Variants in SLCO1B3 observed in about 807,000 individuals in gnomAD.
SLCO1B3 encodes the protein solute carrier organic anion transporter family member 1B3.
SLCO1B3 carries 72 observed loss-of-function variants against 71.8 expected under a neutral mutation model. That is an observed-to-expected ratio of 1.00 (90% CI 0.83 to 1.22). SLCO1B3 has a LOEUF of 1.22. Ranked by LOEUF, SLCO1B3 falls within the 50% of genes most tolerant of loss-of-function variation. The pLI is 0.00. For missense variants in SLCO1B3, 911 were observed against 819.7 expected, an observed-to-expected ratio of 1.11 and a Z score of -1.36; for synonymous variants, 298 against 278.4, an observed-to-expected ratio of 1.07 and a Z score of -0.70.
At chr12:20,815,646 A>G (rs1864178823) in intron 2 of SLCO1B3, 28 bp from the exon 3 acceptor site, 1 of 797,892 alleles carries the variant, frequency 1.3e-6, no homozygotes, top group African/African-American at 1.8e-5. Context: ...TTAAAGTAAA[A>G]TAAATTATAC....
chr12:20,859,495 C>CCCCA (rs1158588959), intron 5 of SLCO1B3, among the ~76,000 whole-genome samples: 4 of 124,448 alleles, frequency 3.2e-5, no homozygotes, highest in Non-Finnish European at 7.5e-5. Flanking sequence ...TTTTTTCCCC[C>CCCCA]TCTACATTTG....
At chr12:20,820,099 C>G (rs943892200) in intron 3 of SLCO1B3, among the ~76,000 whole-genome samples, 13 of 151,946 alleles carry the variant, frequency 8.6e-5, no homozygotes, top group African/African-American at 3.1e-4. Context: ...CTGTCAATAC[C>G]CACAACAGTT....
rs368191453 is a variant in SLCO1B3 at position 20,820,737 on chromosome 12, C to A, written c.84+4915C>A. On this transcript the variant is annotated intron_variant, in intron 3 of 15. Coordinates refer to ENST00000381545, the MANE Select transcript of SLCO1B3 (RefSeq NM_019844.4). ...TATTGAGAATAAGATGGCCTTTTGA[C>A]CTTTTAGGGTCTAGGGCTGTAAAGC... Among the ~76,000 whole-genome samples the A allele has an allele frequency of 1.1e-3, 160 of 152,136 alleles. 4 individuals carry two copies. In the South Asian group the frequency reaches 0.032, roughly 31 times the overall value.
Position 20,877,932 on chromosome 12 carries a change from G to C in SLCO1B3, c.1131G>C (p.Leu377Phe). ...YGQSASHANF[L>F]LGIITIPTVA... ...AGTCTGCATCTCATGCTAACTTTTT[G>C]TTGGGTAAGACATATTTTTTACCTG... The change falls in exon 10 of 16, where the codon TTG becomes TTC. Residue 377 changes from leucine to phenylalanine, a missense_variant. By Grantham distance (22) the Leu-to-Phe change is conservative. Coordinates refer to ENST00000381545, the MANE Select transcript of SLCO1B3 (RefSeq NM_019844.4). The C allele has an allele frequency of 6.3e-7, 1 of 1,585,828 alleles. No individual in the cohort carries two copies. The highest frequency in any genetic ancestry group is 1.2e-5 in the South Asian group (1 of 85,474).
intron 15 of SLCO1B3, 28 bp downstream of exon 15, chr12:20,901,495 A>G: frequency 8.3e-7 from 1 of 1,209,174 alleles, no homozygotes; most frequent in Non-Finnish European, 1.2e-6. Flanking sequence ...CATTTCATTA[A>G]TAGATTTTTT....
intron 3 of SLCO1B3, among the ~76,000 whole-genome samples, chr12:20,840,613 G>C (rs1024921356): frequency 1.3e-5 from 2 of 151,932 alleles, no homozygotes; most frequent in African/African-American, 4.8e-5. Flanking sequence ...GGCTGGTCTT[G>C]AACTCCTGAC....
At chr12:20,811,514 T>C (rs1864110131) in intron 1 of SLCO1B3, among the ~76,000 whole-genome samples, 1 of 152,200 alleles carries the variant, frequency 6.6e-6, no homozygotes, top group Non-Finnish European at 1.5e-5. Flanking sequence ...CCTCCTCAGT[T>C]CCATAGGTAC....
intron 15 of SLCO1B3, among the ~76,000 whole-genome samples, chr12:20,915,501 G>T (rs1225042256): frequency 6.6e-6 from 1 of 152,054 alleles, no homozygotes; most frequent in Non-Finnish European, 1.5e-5. Flanking sequence ...TGTGTTTATT[G>T]TCTTTTAGTA....
intron 3 of SLCO1B3, among the ~76,000 whole-genome samples, chr12:20,818,134 A>C (rs555101107): frequency 2.6e-5 from 4 of 152,180 alleles, no homozygotes; most frequent in Non-Finnish European, 4.4e-5. Flanking sequence ...AGGAGCGTCT[A>C]TACAGGAGCT....
chr12:20,857,348 C>T (rs2121233468), intron 4 of SLCO1B3, among the ~76,000 whole-genome samples: 1 of 152,026 alleles, frequency 6.6e-6, no homozygotes, highest in East Asian at 1.9e-4. Flanking sequence ...TTTGTTTCTT[C>T]CTGTATTTTA....
intron 3 of SLCO1B3, among the ~76,000 whole-genome samples, chr12:20,819,259 T>G (rs540427779): frequency 2.0e-5 from 3 of 152,192 alleles, no homozygotes; most frequent in Admixed American, 2.0e-4. Context: ...GTTTGGGAGA[T>G]TAATCGGACA....
chr12:20,814,410 T>C lies in SLCO1B3; in HGVS notation c.-66+772T>C, dbSNP rs182016962. 3.6e-3 allele frequency among the ~76,000 whole-genome samples: 545 copies of C among 152,244 alleles called. 2 individuals carry two copies. Among genetic ancestry groups the C allele is most frequent in the Admixed American group, 6.5e-3 (100 of 15,290 alleles). ...TTTTCTAATATGAAATAATTAGATA[T>C]AAGCTAAATAGTTAACGATATAGAA... On this transcript the variant is annotated intron_variant, in intron 2 of 15. Transcript: ENST00000381545.
chr12:20,904,772 T>A (rs1866204977), intron 15 of SLCO1B3, among the ~76,000 whole-genome samples: 1 of 129,906 alleles, frequency 7.7e-6, no homozygotes, highest in South Asian at 2.8e-4. Flanking sequence ...TTTTTTTTTT[T>A]TTTTTTTTTT....
At chr12:20,869,291 T>A (rs576800386) in intron 8 of SLCO1B3, among the ~76,000 whole-genome samples, 4 of 152,226 alleles carry the variant, frequency 2.6e-5, no homozygotes, top group Non-Finnish European at 4.4e-5. Context: ...TGGCCCTGTG[T>A]GGGCATAACA....
intron 15 of SLCO1B3, among the ~76,000 whole-genome samples, chr12:20,908,480 C>T (rs979655132): frequency 1.4e-4 from 21 of 152,254 alleles, no homozygotes; most frequent in Non-Finnish European, 2.8e-4. Flanking sequence ...ACCACCACTC[C>T]ACTATCATAA....
intron 3 of SLCO1B3, among the ~76,000 whole-genome samples, chr12:20,854,330 A>G (rs1865088003): frequency 7.2e-6 from 1 of 138,590 alleles, no homozygotes; most frequent in Non-Finnish European, 1.6e-5. Context: ...GTTACTGTCC[A>G]TTTTTCCTTC....
chr12:20,858,571 A>C lies in SLCO1B3; in HGVS notation c.359A>C (p.Tyr120Ser). 6.2e-7 allele frequency: 1 copy of C among 1,605,982 alleles called. No homozygotes were observed. The highest frequency in any genetic ancestry group is 1.7e-5 in the Admixed American group (1 of 59,774). Residue 120 changes from tyrosine (Y) to serine (S), a missense_variant and splice_region_variant, in exon 5 of 16, where the codon TAT becomes TCT. Tyr to Ser is a moderately radical substitution (Grantham distance 144). Coordinates refer to ENST00000381545, the MANE Select transcript of SLCO1B3 (RefSeq NM_019844.4). ...TCTTTACCACATTTCTTCATGGGAT[A>C]GTAAGTGTTAAACAGCTCTGAGCCA... ...LTSLPHFFMG[Y>S]YRYSKETHIN...
chr12:20,841,873 T>A (rs1447442488), intron 3 of SLCO1B3, among the ~76,000 whole-genome samples: 5 of 132,294 alleles, frequency 3.8e-5, no homozygotes, highest in Non-Finnish European at 4.9e-5. Flanking sequence ...TTCTTTGAAT[T>A]GTTGGATGTA....
At position 20,881,018 on chromosome 12, in the gene SLCO1B3, A is replaced by G. The variant is rs1279477094; in HGVS notation, c.1495A>G (p.Thr499Ala). Residue 499 changes from threonine (T) to alanine (A), a missense_variant and splice_region_variant, in exon 12 of 16, where the codon ACA (threonine) becomes GCA (alanine). Coordinates refer to ENST00000381545, the MANE Select transcript of SLCO1B3 (RefSeq NM_019844.4). ...ATCCTCAAGTGGTATTAAAAAGCAT[A>G]CAGTGAGTATTAGTTTTCACTTTTT... is the stretch of plus-strand genomic sequence containing the variant. ...CKSSSGIKKH[T>A]VFYNCSCVEV... 1.9e-5 allele frequency: 30 copies of G among 1,599,050 alleles called. No individual in the cohort carries two copies. The highest frequency in any genetic ancestry group is 2.6e-5 in the Non-Finnish European group (30 of 1,172,068).
Sources: gnomAD v4.1 joint callset for allele counts (sites outside exome capture counted in the v4.1 genomes callset) on GRCh38, gnomAD v4.1.1 for gene constraint, MANE v1.5 for transcripts, NCBI Gene and HGNC (gene_info 2026-07-23, HGNC 2026-07-21) for gene names.